DCUN1D3: variants seen among roughly 807,000 people sequenced by gnomAD.
The protein encoded by DCUN1D3 is defective in cullin neddylation 1 domain containing 3.
In DCUN1D3, 6 loss-of-function variants were observed where a neutral mutation model predicts 24.8. That is an observed-to-expected ratio of 0.24 (90% confidence interval 0.13 to 0.48). The LOEUF is 0.48. Among genes scored for constraint, DCUN1D3 ranks in the 20% least tolerant of loss-of-function variants. The probability of loss-of-function intolerance (pLI) is 0.99; values close to 1 mark genes in which losing one functional copy is unlikely to be tolerated. For missense variants in DCUN1D3, 258 were observed against 379.4 expected, an observed-to-expected ratio of 0.68 and a Z score of 2.66; for synonymous variants, 120 against 144.9, an observed-to-expected ratio of 0.83 and a Z score of 1.24.
chr16:20,887,267 A>G (rs1352758405), intron 1 of DCUN1D3, among the ~76,000 whole-genome samples: 1 of 152,182 alleles, frequency 6.6e-6, no homozygotes, highest in African/African-American at 2.4e-5. Context: ...GCGCCACTGC[A>G]CTCCAGCCTG....
intron 1 of DCUN1D3, among the ~76,000 whole-genome samples, chr16:20,893,038 C>T (rs774608171): frequency 1.3e-5 from 2 of 152,180 alleles, no homozygotes; most frequent in Non-Finnish European, 2.9e-5. Context: ...TTCAATTAAA[C>T]TTTATCGGGT....
intron 1 of DCUN1D3, among the ~76,000 whole-genome samples, chr16:20,872,769 G>A (rs151118692): frequency 1.1e-3 from 162 of 152,290 alleles, no homozygotes; most frequent in Non-Finnish European, 1.9e-3. Context: ...CACCACCTAC[G>A]GTTAATATTT....
At chr16:20,879,019 C>T (rs2081829717) in intron 1 of DCUN1D3, among the ~76,000 whole-genome samples, 1 of 152,164 alleles carries the variant, frequency 6.6e-6, no homozygotes, top group Non-Finnish European at 1.5e-5. Context: ...TTACTCTGCC[C>T]GCCCCCAGGC....
Position 20,860,407 on chromosome 16 carries a change from A to C in DCUN1D3, c.432-38T>G, listed in dbSNP as rs1022413407. 24 of 1,578,926 alleles carry C rather than the reference A, an allele frequency of 1.5e-5. No homozygotes were observed. The highest frequency in any genetic ancestry group is 1.9e-5 in the Non-Finnish European group (22 of 1,164,264). The stretch of plus-strand genomic sequence containing the variant: ...GGAAAAGGACAATTAATCATTATAA[A>C]CTATACTATTTACAGGCAATATACA... On this transcript the variant is annotated intron_variant, in intron 2 of 2. Transcript: ENST00000324344. The surrounding 1 kb of genome is among the most constrained non-coding windows in gnomAD (Gnocchi z 4.3).
intron 1 of DCUN1D3, among the ~76,000 whole-genome samples, chr16:20,883,298 G>T (rs750412605): frequency 7.9e-4 from 120 of 152,272 alleles, no homozygotes; most frequent in Non-Finnish European, 1.4e-3. Flanking sequence ...GGATCACGAG[G>T]TCAGGAGATC....
intron 1 of DCUN1D3, among the ~76,000 whole-genome samples, chr16:20,865,915 C>G (rs2081759638): frequency 1.3e-5 from 2 of 152,144 alleles, no homozygotes; most frequent in African/African-American, 2.4e-5. Context: ...AGGCCTGTCC[C>G]CTTCTCCACC....
In DCUN1D3 at chr16:20,857,936, G is replaced by A. The variant is rs2081710336; in HGVS notation, c.*1950C>T. 6.6e-6 allele frequency: 1 copy of A among 152,506 alleles called. No individual in the cohort carries two copies. Among genetic ancestry groups the A allele is most frequent in the Non-Finnish European group, 1.5e-5 (1 of 68,044 alleles). 9.4% of individuals were successfully genotyped at this position (152,506 alleles called of 1,614,324 possible). On this transcript the variant is annotated 3_prime_UTR_variant, in exon 3 of 3. Coordinates refer to ENST00000324344, the MANE Select transcript of DCUN1D3 (RefSeq NM_173475.4). Reference sequence around the variant, plus strand: ...TTAAGATGGGAGCCCAGAGCTGTAAGGCTGCTCACAATGGAACTCAAAACA... The same window carrying A: ...TTAAGATGGGAGCCCAGAGCTGTAAAGCTGCTCACAATGGAACTCAAAACA...
chr16:20,875,556 T>C (rs2081810595), intron 1 of DCUN1D3, among the ~76,000 whole-genome samples: 1 of 152,174 alleles, frequency 6.6e-6, no homozygotes, highest in African/African-American at 2.4e-5. Context: ...AACAAATCAC[T>C]GTGAACTAAA....
intron 1 of DCUN1D3, among the ~76,000 whole-genome samples, chr16:20,864,844 C>T (rs1264180280): frequency 1.3e-5 from 2 of 152,154 alleles, no homozygotes; most frequent in African/African-American, 4.8e-5. Flanking sequence ...TTTGTGGGAA[C>T]ACACATGGAG....
At chr16:20,893,822 T>A (rs887940840) in intron 1 of DCUN1D3, among the ~76,000 whole-genome samples, 3 of 152,228 alleles carry the variant, frequency 2.0e-5, no homozygotes, top group African/African-American at 7.2e-5. Context: ...AGTAATGCTA[T>A]GACTTGAGAC....
chr16:20,861,761 G>A (rs74872182), intron 2 of DCUN1D3, among the ~76,000 whole-genome samples: 3 of 144,128 alleles, frequency 2.1e-5, no homozygotes, highest in South Asian at 4.4e-4. Context: ...AAAAAAAAAA[G>A]AAAAAGAAAA....
At chr16:20,861,209 C>T (rs2081730644) in intron 2 of DCUN1D3, among the ~76,000 whole-genome samples, 1 of 152,208 alleles carries the variant, frequency 6.6e-6, no homozygotes, top group Admixed American at 6.5e-5. Context: ...GGGCAACATG[C>T]TAAGTACCAG....
chr16:20,885,014 T>G (rs1474859928), intron 1 of DCUN1D3, among the ~76,000 whole-genome samples: 1 of 149,270 alleles, frequency 6.7e-6, no homozygotes, highest in Non-Finnish European at 1.5e-5. Context: ...TCTGGCTCTG[T>G]CACCAGGCTG....
In DCUN1D3 at chr16:20,859,070, T is replaced by C. The variant is rs953073291; in HGVS notation, c.*816A>G. ...ACTTCCAGCAAAACTGAGGTAGCAC[T>C]GCTTTCTCCGCATTCAATGCTTAAG... On this transcript the variant is annotated 3_prime_UTR_variant, in exon 3 of 3. Coordinates refer to ENST00000324344, the MANE Select transcript of DCUN1D3 (RefSeq NM_173475.4). The C allele has an allele frequency of 5.2e-5, 8 of 152,556 alleles. No homozygotes were observed. Among genetic ancestry groups the C allele is most frequent in the African/African-American group, 1.9e-4 (8 of 41,420 alleles). 9.5% of individuals were successfully genotyped at this position (152,556 alleles called of 1,614,324 possible). A position where few individuals can be genotyped will look rare whatever the true frequency, so the allele number is the denominator to read the frequency against.
intron 1 of DCUN1D3, among the ~76,000 whole-genome samples, chr16:20,867,748 C>G (rs1596630910): frequency 6.6e-6 from 1 of 152,214 alleles, no homozygotes; most frequent in Admixed American, 6.5e-5. Context: ...CTTACCCCAT[C>G]TGAACAATGG....
chr16:20,866,654 A>T (rs1035882267), intron 1 of DCUN1D3, among the ~76,000 whole-genome samples: 31 of 152,240 alleles, frequency 2.0e-4, no homozygotes, highest in African/African-American at 7.0e-4. Context: ...CCAGCAGATG[A>T]AAAAAAGGAG....
intron 1 of DCUN1D3, among the ~76,000 whole-genome samples, chr16:20,889,373 CAG>C (rs1160009319): frequency 6.7e-6 from 1 of 148,300 alleles, no homozygotes. Context: ...GGCTGGGCAA[CAG>C]AGTGAAGAAA....
intron 1 of DCUN1D3, among the ~76,000 whole-genome samples, chr16:20,877,909 C>T (rs1232777554): frequency 6.6e-6 from 1 of 152,198 alleles, no homozygotes; most frequent in Non-Finnish European, 1.5e-5. Flanking sequence ...GATCCTCCCA[C>T]CTTAGCCTCC....
At chr16:20,894,680 G>A (rs1436156064) in intron 1 of DCUN1D3, among the ~76,000 whole-genome samples, 1 of 152,202 alleles carries the variant, frequency 6.6e-6, no homozygotes, top group Non-Finnish European at 1.5e-5. Flanking sequence ...TCATTGACAT[G>A]TCTGCCTTTG....
Sources: gnomAD v4.1 joint callset for allele counts (sites outside exome capture counted in the v4.1 genomes callset) on GRCh38, gnomAD v4.1.1 for gene constraint, Gnocchi (gnomAD v3.1) non-coding constraint, MANE v1.5 for transcripts, NCBI Gene and HGNC (gene_info 2026-07-23, HGNC 2026-07-21) for gene names.